KLHL1: variants seen among roughly 807,000 people sequenced by gnomAD.
The protein encoded by KLHL1 is kelch like family member 1, also known as kelch-like protein 1.
A neutral mutation model predicts 77.7 loss-of-function variants in KLHL1; 47 were observed. The observed-to-expected ratio is 0.60, with a 90% CI of 0.48 to 0.77. The LOEUF is 0.77. Among genes scored for constraint, KLHL1 ranks in the 30% least tolerant of loss-of-function variants. The pLI is 0.00. For missense variants in KLHL1, 925 were observed against 910.8 expected (o/e 1.02, Z -0.20); for synonymous variants, 360 against 325.2 (o/e 1.11, Z -1.15).
chr13:69,876,777 C>T (rs1052671148), intron 5 of KLHL1, among the ~76,000 whole-genome samples: 3 of 152,184 alleles, frequency 2.0e-5, no homozygotes, highest in African/African-American at 7.2e-5. Flanking sequence ...GTGGCTCATG[C>T]CTGTAATCCC....
intron 10 of KLHL1, among the ~76,000 whole-genome samples, chr13:69,704,516 T>C (rs1875540097): frequency 6.6e-6 from 1 of 151,698 alleles, no homozygotes; most frequent in Non-Finnish European, 1.5e-5. Flanking sequence ...ACTCCACATA[T>C]TTTCATCTGG....
chr13:69,896,681 T>A (rs1384925429), intron 4 of KLHL1, among the ~76,000 whole-genome samples: 1 of 151,906 alleles, frequency 6.6e-6, no homozygotes, highest in East Asian at 1.9e-4. Context: ...TTTTTTTTTT[T>A]TTTTTGAGAC....
chr13:69,877,391 A>G (rs1387711987), intron 5 of KLHL1, among the ~76,000 whole-genome samples: 1 of 152,104 alleles, frequency 6.6e-6, no homozygotes, highest in Non-Finnish European at 1.5e-5. Context: ...GCAACATGGT[A>G]CTTTGTTGAA....
At chr13:69,956,048 GAT>G (rs1249096730) in intron 3 of KLHL1, among the ~76,000 whole-genome samples, 8 of 102,144 alleles carry the variant, frequency 7.8e-5, no homozygotes, top group East Asian at 3.6e-4. Flanking sequence ...ATATATATTT[GAT>G]ATATATATTT....
At chr13:69,860,474 G>C (rs1020849366) in intron 5 of KLHL1, among the ~76,000 whole-genome samples, 15 of 151,886 alleles carry the variant, frequency 9.9e-5, no homozygotes, top group African/African-American at 3.6e-4. Flanking sequence ...TAAAATTTTA[G>C]CATGTATTTA....
chr13:69,969,321 C>A (rs539890673), intron 2 of KLHL1, among the ~76,000 whole-genome samples: 4 of 152,070 alleles, frequency 2.6e-5, no homozygotes, highest in African/African-American at 7.2e-5. Flanking sequence ...TTATTCTGGG[C>A]AGTTAGTAAC....
chr13:69,989,118 T>C (rs987697797), intron 1 of KLHL1, among the ~76,000 whole-genome samples: 1 of 152,136 alleles, frequency 6.6e-6, no homozygotes, highest in African/African-American at 2.4e-5. Flanking sequence ...CTATAATCTG[T>C]CTTGAAATGA....
chr13:70,089,652 T>C (rs1219654473), intron 1 of KLHL1, among the ~76,000 whole-genome samples: 1 of 152,144 alleles, frequency 6.6e-6, no homozygotes. Flanking sequence ...TTAAACATTG[T>C]GCTGAAGTGT....
intron 5 of KLHL1, among the ~76,000 whole-genome samples, chr13:69,867,746 C>A (rs1009326063): frequency 1.3e-5 from 2 of 148,632 alleles, no homozygotes; most frequent in Non-Finnish European, 3.0e-5. Flanking sequence ...TCCTATAATT[C>A]ATTTATAATA....
rs145374447 is a variant in KLHL1 at position 69,921,561 on chromosome 13, C to T, written c.1014+18479G>A. 1.6e-4 allele frequency among the ~76,000 whole-genome samples: 24 copies of T among 152,276 alleles called. No individual in the cohort carries two copies. The East Asian group carries it at 2.7e-3, about 17-fold the overall frequency. ...ATTTAATAAAACGTGGCCATACCAA[C>T]GCATTGTGAAGACAAACCTTCAAAT... On this transcript the variant is annotated intron_variant, in intron 4 of 10. Transcript: ENST00000377844.
At position 69,895,847 on chromosome 13, in the gene KLHL1, C is replaced by A. The variant is rs145022797; in HGVS notation, c.1015-13352G>T. Among the ~76,000 whole-genome samples, 1,223 of 151,930 alleles carry A rather than the reference C, an allele frequency of 8.0e-3. 66 individuals carry two copies. Among genetic ancestry groups the A allele is most frequent in the Admixed American group, 0.07 (1,070 of 15,252 alleles). ...CCAGCCTCCATAGTAGGTGAGACTA[C>A]ATGTGTGCACCACCATGCCTGGCTA... On this transcript the variant is annotated intron_variant, in intron 4 of 10. Coordinates refer to ENST00000377844, the MANE Select transcript of KLHL1 (RefSeq NM_020866.3).
chr13:69,933,582 C>T (rs999074063), intron 4 of KLHL1, among the ~76,000 whole-genome samples: 2 of 152,036 alleles, frequency 1.3e-5, no homozygotes, highest in South Asian at 4.1e-4. Context: ...GGATGTATAG[C>T]ATGTTTTTAC....
At chr13:69,813,359 G>A (rs146619467) in intron 6 of KLHL1, among the ~76,000 whole-genome samples, 2,797 of 151,680 alleles carry the variant, frequency 0.018, 75 homozygotes, top group African/African-American at 0.064. Flanking sequence ...AGCATTAGGA[G>A]ATACACCTAA....
At chr13:69,959,728 C>T (rs1367066809) in intron 3 of KLHL1, among the ~76,000 whole-genome samples, 8 of 151,798 alleles carry the variant, frequency 5.3e-5, no homozygotes, top group Non-Finnish European at 1.2e-4. Flanking sequence ...AATAGCTCCC[C>T]TATGCCCCAG....
intron 3 of KLHL1, among the ~76,000 whole-genome samples, chr13:69,942,420 A>G (rs1883391647): frequency 6.6e-6 from 1 of 151,912 alleles, no homozygotes; most frequent in African/African-American, 2.4e-5. Context: ...ATATTTTTTA[A>G]CTTTGTGATG....
At chr13:69,855,494 C>T (rs970642557) in intron 5 of KLHL1, among the ~76,000 whole-genome samples, 3 of 118,014 alleles carry the variant, frequency 2.5e-5, no homozygotes, top group East Asian at 2.0e-4. Context: ...GAATTCTAAT[C>T]CCCATAATTT....
chr13:69,810,211 A>C (rs977236767), intron 6 of KLHL1, among the ~76,000 whole-genome samples: 23 of 152,100 alleles, frequency 1.5e-4, no homozygotes, highest in Non-Finnish European at 3.1e-4. Flanking sequence ...TTTACAGAAT[A>C]CTCTACCCAA....
chr13:69,980,485 T>C (rs1229778200), intron 1 of KLHL1, among the ~76,000 whole-genome samples: 2 of 152,124 alleles, frequency 1.3e-5, no homozygotes, highest in Admixed American at 1.3e-4. Context: ...AAGCTCTAGT[T>C]TCAGCTACAC....
chr13:69,773,257 T>C (rs1392172705), intron 7 of KLHL1, among the ~76,000 whole-genome samples: 1 of 152,090 alleles, frequency 6.6e-6, no homozygotes, highest in Non-Finnish European at 1.5e-5. Flanking sequence ...TAAAGTCCTC[T>C]GGAAATTTTT....
Sources: gnomAD v4.1 joint callset for allele counts (sites outside exome capture counted in the v4.1 genomes callset) on GRCh38, gnomAD v4.1.1 for gene constraint, MANE v1.5 for transcripts, NCBI Gene and HGNC (gene_info 2026-07-23, HGNC 2026-07-21) for gene names.